GRM1: variants seen among roughly 807,000 people sequenced by gnomAD.
The protein encoded by GRM1 is glutamate metabotropic receptor 1.
A neutral mutation model predicts 90.9 loss-of-function variants in GRM1; 33 were observed. The ratio of observed to expected loss-of-function variants is 0.36; its 90% CI spans 0.28 to 0.49. The LOEUF (loss-of-function observed/expected upper bound fraction) is 0.49. Among genes scored for constraint, GRM1 ranks in the 20% least tolerant of loss-of-function variants. GRM1 has a pLI of 0.99. For missense variants in GRM1, 1,190 were observed against 1,534.3 expected (o/e 0.78, Z 3.75); for synonymous variants, 700 against 613.2 (o/e 1.14, Z -2.09).
At chr6:146,077,708 A>G (rs1011837124) in intron 1 of GRM1, among the ~76,000 whole-genome samples, 1 of 152,214 alleles carries the variant, frequency 6.6e-6, no homozygotes, top group Non-Finnish European at 1.5e-5. Context: ...TTCAGAATAA[A>G]TTTCCTTATC....
chr6:146,190,448 A>G (rs993401281), intron 2 of GRM1, among the ~76,000 whole-genome samples: 1 of 152,154 alleles, frequency 6.6e-6, no homozygotes, highest in Non-Finnish European at 1.5e-5. Flanking sequence ...AAAAAGTTTC[A>G]CTAAAAATGA....
intron 2 of GRM1, among the ~76,000 whole-genome samples, chr6:146,278,878 T>G (rs533415410): frequency 6.6e-6 from 1 of 152,306 alleles, no homozygotes; most frequent in South Asian, 2.1e-4. Flanking sequence ...GCTAATTTTT[T>G]GTATTTTTAG....
chr6:146,112,927 C>T (rs991721269), intron 1 of GRM1, among the ~76,000 whole-genome samples: 3 of 152,122 alleles, frequency 2.0e-5, no homozygotes, highest in Admixed American at 2.0e-4. Context: ...CCATCTAGCT[C>T]ACTTTGGAAA....
In GRM1 at chr6:146,186,071, C is replaced by G. The variant is rs575556984; in HGVS notation, c.950+26474C>G. Among the ~76,000 whole-genome samples the G allele has an allele frequency of 1.7e-4, 25 of 150,746 alleles. No homozygotes were observed. In the South Asian group the frequency reaches 4.4e-3, roughly 27 times the overall value. ...TCAAGTGATTCTGCTGCATCAGCCT[C>G]CCGAGTAGCTGGAATTACAGCTGGT... On this transcript the variant is annotated intron_variant, in intron 2 of 7. Coordinates refer to ENST00000282753, the MANE Select transcript of GRM1 (RefSeq NM_001278064.2).
chr6:146,086,760 A>T (rs888263782), intron 1 of GRM1, among the ~76,000 whole-genome samples: 3 of 152,094 alleles, frequency 2.0e-5, no homozygotes, highest in Admixed American at 6.5e-5. Flanking sequence ...GCAGTGGATC[A>T]GAACTGCACA....
intron 2 of GRM1, among the ~76,000 whole-genome samples, chr6:146,222,406 T>C (rs1436317004): frequency 6.6e-6 from 1 of 152,104 alleles, no homozygotes; most frequent in Non-Finnish European, 1.5e-5. Flanking sequence ...TGTGTTTGTG[T>C]GTCTGTGTGT....
At chr6:146,145,708 T>G (rs1777068513) in intron 1 of GRM1, among the ~76,000 whole-genome samples, 3 of 152,156 alleles carry the variant, frequency 2.0e-5, no homozygotes, top group African/African-American at 7.2e-5. Context: ...TGCAGAGATA[T>G]CCCACTAGAA....
At chr6:146,333,898 A>T (rs538764095) in intron 3 of GRM1, among the ~76,000 whole-genome samples, 1 of 152,288 alleles carries the variant, frequency 6.6e-6, no homozygotes, top group South Asian at 2.1e-4. Context: ...GGACAGAAAA[A>T]GGAAAAAAAA....
intron 1 of GRM1, among the ~76,000 whole-genome samples, chr6:146,154,770 A>C (rs1249855057): frequency 6.6e-6 from 1 of 152,168 alleles, no homozygotes; most frequent in Non-Finnish European, 1.5e-5. Context: ...TTTATCTTAA[A>C]AAATTTTGAA....
chr6:146,373,413 G>A (rs1330219118), intron 5 of GRM1, among the ~76,000 whole-genome samples: 3 of 152,094 alleles, frequency 2.0e-5, no homozygotes, highest in Non-Finnish European at 2.9e-5. Flanking sequence ...AGAAAGTGAA[G>A]GGGGAAGTGC....
chr6:146,399,747 CTCTT>C lies in GRM1; in HGVS notation c.2660+52_2660+55del, dbSNP rs755214293. Reference sequence around the variant, plus strand: ...CTCTCTTTTCTCTTCCTTTCTCTGTCTCTTTCTCTCTCTCTCTCTCTCTCTCTTT... The same window carrying C: ...CTCTCTTTTCTCTTCCTTTCTCTGTCTCTCTCTCTCTCTCTCTCTCTCTTT... On this transcript the variant is annotated intron_variant, in intron 7 of 7. Transcript: ENST00000282753. The surrounding 1 kb of genome is among the most constrained non-coding windows in gnomAD (Gnocchi z 5.4). 5.8e-4 allele frequency: 719 copies of C among 1,236,958 alleles called. 5 individuals carry two copies. The African/African-American group carries it at 0.011, about 18-fold the overall frequency. 76.6% of individuals were successfully genotyped at this position (1,236,958 alleles called of 1,614,324 possible). A position where few individuals can be genotyped will look rare whatever the true frequency, so the allele number is the denominator to read the frequency against.
chr6:146,316,723 G>A (rs1432576647), intron 3 of GRM1, among the ~76,000 whole-genome samples: 1 of 152,118 alleles, frequency 6.6e-6, no homozygotes, highest in Admixed American at 6.6e-5. Context: ...TCCTCTGACG[G>A]AGCATGCTCC....
At chr6:146,370,537 A>C (rs1301015420) in intron 5 of GRM1, among the ~76,000 whole-genome samples, 2 of 152,092 alleles carry the variant, frequency 1.3e-5, no homozygotes, top group Admixed American at 1.3e-4. Flanking sequence ...CCATTGTATA[A>C]GATTTTTGAG....
At chr6:146,397,222 C>G (rs778945484) in intron 6 of GRM1, among the ~76,000 whole-genome samples, 4 of 151,770 alleles carry the variant, frequency 2.6e-5, no homozygotes, top group Non-Finnish European at 4.4e-5. Context: ...GTGGCTCATG[C>G]CTGTAGTCCC....
chr6:146,400,040 T>C (rs1777101625), intron 7 of GRM1, among the ~76,000 whole-genome samples: 1 of 152,228 alleles, frequency 6.6e-6, no homozygotes. Flanking sequence ...TGGAGCATCA[T>C]TTTGCCCCTG....
intron 1 of GRM1, among the ~76,000 whole-genome samples, chr6:146,056,226 T>A (rs978845066): frequency 6.6e-6 from 1 of 152,122 alleles, no homozygotes; most frequent in African/African-American, 2.4e-5. Flanking sequence ...GACCACAGGT[T>A]CTGACATTTA....
At chr6:146,305,768 G>T (rs1179037435) in intron 3 of GRM1, among the ~76,000 whole-genome samples, 1 of 152,120 alleles carries the variant, frequency 6.6e-6, no homozygotes, top group Non-Finnish European at 1.5e-5. Flanking sequence ...TAAAGGTATA[G>T]AATCATATTA....
intron 1 of GRM1, among the ~76,000 whole-genome samples, 176 bp downstream of exon 1, chr6:146,030,393 G>A (rs947593265): frequency 1.3e-5 from 2 of 152,168 alleles, no homozygotes; most frequent in African/African-American, 2.4e-5. Context: ...TACAATTATA[G>A]TGTAGGAAAA....
intron 1 of GRM1, among the ~76,000 whole-genome samples, chr6:146,072,853 T>C (rs939202635): frequency 5.3e-5 from 8 of 152,106 alleles, no homozygotes; most frequent in Non-Finnish European, 8.8e-5. Flanking sequence ...TAAGTTTTCT[T>C]GATGCGCTGT....
Sources: allele counts gnomAD v4.1 joint callset (sites outside exome capture counted in the v4.1 genomes callset), GRCh38; gene constraint gnomAD v4.1.1; non-coding constraint Gnocchi (gnomAD v3.1); transcripts MANE v1.5; gene names NCBI Gene and HGNC (gene_info 2026-07-23, HGNC 2026-07-21).